Variants in CMKLR1 observed in about 807,000 individuals in gnomAD.
The protein encoded by CMKLR1 is chemerin chemokine-like receptor 1.
A neutral mutation model predicts 8.2 loss-of-function variants in CMKLR1; 6 were observed. The ratio of observed to expected loss-of-function variants is 0.73; its 90% confidence interval spans 0.40 to 1.44. CMKLR1 has a LOEUF of 1.44. CMKLR1 is among the 40% of genes most tolerant of loss of function. The pLI, the probability that CMKLR1 is intolerant of heterozygous loss-of-function variation, is 0.02. For synonymous variants in CMKLR1, 178 were observed against 181.2 expected (o/e 0.98, Z 0.14); for missense variants, 429 against 478.0 (o/e 0.90, Z 0.96).
chr12:108,299,816 C>G (rs1198308104), intron 2 of CMKLR1, among the ~76,000 whole-genome samples: 1 of 152,066 alleles, frequency 6.6e-6, no homozygotes. Context: ...GGAGCACGAC[C>G]CTTGATTTCA....
intron 2 of CMKLR1, among the ~76,000 whole-genome samples, chr12:108,313,876 G>A (rs1450067781): frequency 1.3e-5 from 2 of 152,152 alleles, no homozygotes; most frequent in Non-Finnish European, 2.9e-5. Flanking sequence ...ATTCGTGTCA[G>A]TGTTGGTTTA....
In CMKLR1 at chr12:108,293,672, GAAA is replaced by G. The variant is rs59925321; in HGVS notation, c.-73-11_-73-9del. 11,029 of 885,898 alleles carry G rather than the reference GAAA, an allele frequency of 0.012. No homozygotes were observed. Among genetic ancestry groups the G allele is most frequent in the South Asian group, 0.016 (872 of 53,110 alleles). 54.9% of individuals were successfully genotyped at this position (885,898 alleles called of 1,614,324 possible). The stretch of plus-strand genomic sequence containing the variant: ...GTACACAGCTAGAAACACCTGTAGG[GAAA>G]AAAAAAAAAAAAAAAGCAGCAATTG... On this transcript the variant is annotated splice_polypyrimidine_tract_variant and intron_variant, in intron 2 of 3. Coordinates refer to ENST00000550402, the MANE Select transcript of CMKLR1 (RefSeq NM_001142343.2).
At chr12:108,305,121 G>A (rs991737988) in intron 2 of CMKLR1, among the ~76,000 whole-genome samples, 17 of 152,318 alleles carry the variant, frequency 1.1e-4, no homozygotes, top group African/African-American at 3.4e-4. Flanking sequence ...GGAAACTAAG[G>A]CCCAGAGAGT....
intron 2 of CMKLR1, among the ~76,000 whole-genome samples, chr12:108,304,162 C>T (rs1324015804): frequency 1.3e-5 from 2 of 152,186 alleles, no homozygotes; most frequent in East Asian, 3.9e-4. Flanking sequence ...CCCTCCAGCT[C>T]CTTCCCTGTA....
At chr12:108,293,039 T>C (rs1384912087) in intron 3 of CMKLR1, 80 bp from the exon 4 acceptor site, 1 of 1,326,460 alleles carries the variant, frequency 7.5e-7, no homozygotes, top group African/African-American at 1.5e-5. Flanking sequence ...AGACCAACAA[T>C]GTTCCCCCTG....
At chr12:108,334,743 G>A (rs1349082699) in intron 1 of CMKLR1, among the ~76,000 whole-genome samples, 1 of 152,186 alleles carries the variant, frequency 6.6e-6, no homozygotes, top group Admixed American at 6.5e-5. Context: ...CTTTTGCTAT[G>A]AGCTGTGTGA....
chr12:108,328,700 C>T (rs1892038912), intron 2 of CMKLR1, among the ~76,000 whole-genome samples: 1 of 152,204 alleles, frequency 6.6e-6, no homozygotes, highest in Non-Finnish European at 1.5e-5. Context: ...ATTGCCTGCA[C>T]TCCCTGAAGA....
intron 2 of CMKLR1, among the ~76,000 whole-genome samples, chr12:108,311,010 C>G (rs1891549746): frequency 6.8e-6 from 1 of 147,674 alleles, no homozygotes; most frequent in Non-Finnish European, 1.5e-5. Context: ...TCAGCAGTCT[C>G]TGGGGTCTGG....
intron 2 of CMKLR1, among the ~76,000 whole-genome samples, chr12:108,317,439 T>A (rs1891761377): frequency 6.6e-6 from 1 of 152,030 alleles, no homozygotes; most frequent in African/African-American, 2.4e-5. Context: ...TGCATCACGG[T>A]CATGAGGATG....
At chr12:108,300,530 T>C (rs1376870129) in intron 2 of CMKLR1, among the ~76,000 whole-genome samples, 1 of 152,210 alleles carries the variant, frequency 6.6e-6, no homozygotes, top group Non-Finnish European at 1.5e-5. Context: ...TCTGTCTGGA[T>C]ATTAGAAATA....
intron 2 of CMKLR1, among the ~76,000 whole-genome samples, chr12:108,309,910 T>C (rs1891505717): frequency 6.6e-6 from 1 of 152,228 alleles, no homozygotes; most frequent in East Asian, 1.9e-4. Flanking sequence ...AGAGCACGTA[T>C]GTCTTTGTGG....
chr12:108,321,558 C>T (rs776103631), intron 2 of CMKLR1, among the ~76,000 whole-genome samples: 18 of 152,220 alleles, frequency 1.2e-4, no homozygotes, highest in Non-Finnish European at 1.2e-4. Context: ...CACCCCCTAA[C>T]TCTGACTCTG....
intron 1 of CMKLR1, among the ~76,000 whole-genome samples, chr12:108,332,799 A>T (rs1237106474): frequency 6.6e-6 from 1 of 152,092 alleles, no homozygotes; most frequent in Non-Finnish European, 1.5e-5. Flanking sequence ...AACCCTGACT[A>T]ATACATCCTG....
Position 108,292,170 on chromosome 12 carries a change from T to C in CMKLR1, c.793A>G (p.Ile265Val), listed in dbSNP as rs1890995573. ...TKKPFKIIVTIIITFFLCWCP... is the reference protein window; with the variant it reads ...TKKPFKIIVTVIITFFLCWCP... ...CAGCAGAGGAAGAAGGTAATGATGA[T>C]GGTCACAATAATCTTGAAGGGCTTC... Residue 265 changes from isoleucine (I) to valine (V), a missense_variant, in exon 4 of 4, where the codon ATC becomes GTC. Transcript: ENST00000550402. 2 of 1,614,046 alleles carry C rather than the reference T, an allele frequency of 1.2e-6. No individual in the cohort carries two copies. The highest frequency in any genetic ancestry group is 1.7e-5 in the Admixed American group (1 of 60,010).
chr12:108,292,333 G>T lies in CMKLR1; in HGVS notation c.630C>A (p.Asp210Glu), dbSNP rs766152449. The stretch of plus-strand genomic sequence containing the variant: ...CCATGTGCCGGCTATACCCCACAGG[G>T]TCCATTTGGGAGTGAGTGGGCCACG... ...SSSWPTHSQM[D>E]PVGYSRHMVV... Residue 210 changes from aspartate to glutamate, a missense_variant, in exon 4 of 4, where the codon GAC becomes GAA. Asp to Glu is a conservative substitution (Grantham distance 45). Coordinates refer to ENST00000550402, the MANE Select transcript of CMKLR1 (RefSeq NM_001142343.2). The T allele has an allele frequency of 6.2e-7, 1 of 1,614,164 alleles. No individual in the cohort carries two copies. Among genetic ancestry groups the T allele is most frequent in the South Asian group, 1.1e-5 (1 of 91,072 alleles).
At chr12:108,295,522 G>T (rs1025191616) in intron 2 of CMKLR1, among the ~76,000 whole-genome samples, 5 of 152,254 alleles carry the variant, frequency 3.3e-5, no homozygotes, top group African/African-American at 1.2e-4. Flanking sequence ...GAGACAAAGA[G>T]ACAGTGTTGA....
chr12:108,292,826 A>C lies in CMKLR1; in HGVS notation c.137T>G (p.Val46Gly). The C allele has an allele frequency of 3.1e-6, 5 of 1,614,156 alleles. No homozygotes were observed. The highest frequency in any genetic ancestry group is 4.2e-6 in the Non-Finnish European group (5 of 1,180,032). ...CCCGAGGAAGCAGACGATGCTGTAG[A>C]CCACCACCAGGAAGATCCTGGTCAC... ...ARVTRIFLVV[V>G]YSIVCFLGIL... Residue 46 changes from valine to glycine, a missense_variant, in exon 4 of 4, where the codon GTC (valine) becomes GGC (glycine). Physicochemically the swap from Val to Gly is moderately radical, Grantham distance 109. Transcript: ENST00000550402.
intron 2 of CMKLR1, among the ~76,000 whole-genome samples, chr12:108,326,659 C>T (rs1403237062): frequency 1.3e-5 from 2 of 152,130 alleles, no homozygotes; most frequent in African/African-American, 2.4e-5. Context: ...TCAGCCTGGG[C>T]GATGTGGCCT....
chr12:108,293,601 T>C lies in CMKLR1; in HGVS notation c.-10A>G, dbSNP rs1278463114. On this transcript the variant is annotated 5_prime_UTR_variant, in exon 3 of 4. Transcript: ENST00000550402. The stretch of plus-strand genomic sequence containing the variant: ...AAGACTTCCTCACCATTCACCGTTA[T>C]GTTGTCTGCAGCTCTCCAATGTGAG... 9.7e-6 allele frequency: 15 copies of C among 1,550,686 alleles called. No individual in the cohort carries two copies. Among genetic ancestry groups the C allele is most frequent in the Middle Eastern group, 3.3e-4 (2 of 6,014 alleles).
Sources: allele counts gnomAD v4.1 joint callset (sites outside exome capture counted in the v4.1 genomes callset), GRCh38; gene constraint gnomAD v4.1.1; transcripts MANE v1.5; gene names NCBI Gene and HGNC (gene_info 2026-07-23, HGNC 2026-07-21).